SEMA3F: variants seen among roughly 807,000 people sequenced by gnomAD.
SEMA3F encodes semaphorin 3F.
A neutral mutation model predicts 98.5 loss-of-function variants in SEMA3F; 30 were observed. The ratio of observed to expected loss-of-function variants is 0.30; its 90% confidence interval spans 0.23 to 0.41. The LOEUF is 0.41. SEMA3F is among the 10% of genes least tolerant of loss of function. The pLI, the probability that SEMA3F is intolerant of heterozygous loss-of-function variation, is 1.00. For missense variants in SEMA3F, 866 were observed against 1,119.3 expected (o/e 0.77, Z 3.23); for synonymous variants, 380 against 444.8 (o/e 0.85, Z 1.83).
chr3:50,167,062 T>A (rs949394974), intron 2 of SEMA3F, among the ~76,000 whole-genome samples: 17 of 152,286 alleles, frequency 1.1e-4, no homozygotes, highest in African/African-American at 4.1e-4. Flanking sequence ...TCCTGTGTGA[T>A]CTGCTTGTCT....
chr3:50,183,104 C>T (rs1002938754), intron 10 of SEMA3F, 82 bp from the exon 11 acceptor site: 17 of 1,560,994 alleles, frequency 1.1e-5, no homozygotes, highest in South Asian at 7.8e-5. Flanking sequence ...CTTTGGTGGG[C>T]CCCCTCCCCT....
chr3:50,165,522 G>C (rs146933714), intron 2 of SEMA3F, among the ~76,000 whole-genome samples: 1 of 152,300 alleles, frequency 6.6e-6, no homozygotes, highest in Non-Finnish European at 1.5e-5. Flanking sequence ...TCCTAGGGGT[G>C]ACCAGACCTG....
chr3:50,175,300 C>T, intron 6 of SEMA3F, 112 bp downstream of exon 6: 1 of 738,034 alleles, frequency 1.4e-6, no homozygotes, highest in East Asian at 2.7e-5. Context: ...ACCTCTGTGC[C>T]CACACCCTGT....
intron 1 of SEMA3F, among the ~76,000 whole-genome samples, chr3:50,157,488 G>C (rs576300350): frequency 6.6e-6 from 1 of 152,212 alleles, no homozygotes; most frequent in Non-Finnish European, 1.5e-5. Context: ...GGCTTGGTGT[G>C]ACTTGGGGGC....
At chr3:50,165,772 G>C (rs1341400130) in intron 2 of SEMA3F, among the ~76,000 whole-genome samples, 1 of 152,240 alleles carries the variant, frequency 6.6e-6, no homozygotes, top group Non-Finnish European at 1.5e-5. Context: ...AGCTTGGCAG[G>C]CCTACAGCCC....
intron 7 of SEMA3F, among the ~76,000 whole-genome samples, chr3:50,179,683 A>G (rs1418868880): frequency 1.3e-5 from 2 of 152,280 alleles, no homozygotes; most frequent in Non-Finnish European, 2.9e-5. Context: ...TTCATCCATG[A>G]TCTTATCTAA....
In SEMA3F at chr3:50,159,636, GTCT is replaced by G. The variant is rs1293326621; in HGVS notation, c.21_23del (p.Leu8del). On this transcript the variant is annotated inframe_deletion, in exon 2 of 19. Coordinates refer to ENST00000002829, the MANE Select transcript of SEMA3F (RefSeq NM_004186.5). Reference sequence around the variant, plus strand: ...GCCCCTCCCACAATGCTTGTCGCCGGTCTTCTTCTCTGGGCTTCCCTACTGACC... The same window carrying G: ...GCCCCTCCCACAATGCTTGTCGCCGGTCTTCTCTGGGCTTCCCTACTGACC... The G allele has an allele frequency of 1.9e-6, 3 of 1,610,142 alleles. No individual in the cohort carries two copies. Among genetic ancestry groups the G allele is most frequent in the East Asian group, 2.3e-5 (1 of 44,418 alleles).
chr3:50,159,784 G>A (rs1345442049), intron 2 of SEMA3F, 50 bp downstream of exon 2: 1 of 1,235,880 alleles, frequency 8.1e-7, no homozygotes, highest in Admixed American at 1.7e-5. Context: ...CTTTACAATA[G>A]CGCTCGGCTC....
Position 50,187,866 on chromosome 3 carries a change from T to C in SEMA3F, c.2109T>C (p.His703=), listed in dbSNP as rs145097565. ...ATGTACTGGGCCGGGACGCCGTCCA[T>C]GCTGCCCTCTTCCCACCACTGTCCA... is the stretch of plus-strand genomic sequence containing the variant. ...QLHVLGRDAV[H]AALFPPLSMS... Residue 703 remains histidine (H), a synonymous_variant, in exon 19 of 19, where the codon CAT becomes CAC. Coordinates refer to ENST00000002829, the MANE Select transcript of SEMA3F (RefSeq NM_004186.5). 305 of 1,613,134 alleles carry C rather than the reference T, an allele frequency of 1.9e-4. No homozygotes were observed. The highest frequency in any genetic ancestry group is 2.5e-4 in the Non-Finnish European group (298 of 1,179,872).
rs562318332 is a variant in SEMA3F, at chr3:50,176,571, C to G, written c.550-197C>G. 3.9e-5 allele frequency among the ~76,000 whole-genome samples: 6 copies of G among 152,266 alleles called. No homozygotes were observed. The East Asian group carries it at 5.8e-4, about 15-fold the overall frequency. Reference sequence around the variant, plus strand: ...TAAGACCTGGGACTAGGAAGCACCCCCCTTGGAGCCCACAGCATGGCCCTG... The same window carrying G: ...TAAGACCTGGGACTAGGAAGCACCCGCCTTGGAGCCCACAGCATGGCCCTG... On this transcript the variant is annotated intron_variant, in intron 6 of 18. Coordinates refer to ENST00000002829, the MANE Select transcript of SEMA3F (RefSeq NM_004186.5).
chr3:50,164,858 G>C (rs1360954570), intron 2 of SEMA3F, among the ~76,000 whole-genome samples: 1 of 152,212 alleles, frequency 6.6e-6, no homozygotes, highest in South Asian at 2.1e-4. Context: ...TGGAAAATGG[G>C]AGTAAGAACA....
intron 7 of SEMA3F, among the ~76,000 whole-genome samples, chr3:50,178,721 CAAA>C (rs535984701): frequency 9.9e-6 from 1 of 101,384 alleles, no homozygotes; most frequent in Admixed American, 1.1e-4. Flanking sequence ...GACTCTGGCT[CAAA>C]AAAAAAAAAA....
intron 5 of SEMA3F, 84 bp downstream of exon 5, chr3:50,174,434 C>T (rs1037940818): frequency 6.1e-6 from 9 of 1,486,550 alleles, no homozygotes; most frequent in Non-Finnish European, 5.4e-6. Context: ...GCTTCAGCCC[C>T]AGCCCTGCCA....
rs1226899345 is a variant in SEMA3F at position 50,187,787 on chromosome 3, C to G, written c.2030C>G (p.Ser677Cys). 1 of 1,613,412 alleles carries G rather than the reference C, an allele frequency of 6.2e-7. No homozygotes were observed. ...ALQLSDRGLY[S>C]CTATENNFKH... ...CAGCTCAGCGATCGTGGCCTCTACTCCTGCACAGCCACTGAGAACAACTTT... is the reference window on the plus strand; with the variant it reads ...CAGCTCAGCGATCGTGGCCTCTACTGCTGCACAGCCACTGAGAACAACTTT... The change falls in exon 19 of 19, where the codon TCC (serine) becomes TGC (cysteine). Residue 677 changes from serine (S) to cysteine (C), a missense_variant. Coordinates refer to ENST00000002829, the MANE Select transcript of SEMA3F (RefSeq NM_004186.5).
rs562045335 is a variant in SEMA3F, at chr3:50,185,819, C to G, written c.1588-70C>G. The G allele has an allele frequency of 1.0e-5, 16 of 1,605,208 alleles. No individual in the cohort carries two copies. In the East Asian group the frequency reaches 3.1e-4, roughly 31 times the overall value. On this transcript the variant is annotated intron_variant, in intron 15 of 18. Coordinates refer to ENST00000002829, the MANE Select transcript of SEMA3F (RefSeq NM_004186.5). ...GAGGCATGGAACAGGGGAGAGGAGC[C>G]CAGCCTAGCTGGCTGTTGGTGGGGC...
At chr3:50,183,613 G>A (rs760676137) in intron 12 of SEMA3F, 49 bp downstream of exon 12, 15 of 1,594,874 alleles carry the variant, frequency 9.4e-6, no homozygotes, top group Non-Finnish European at 1.3e-5. Flanking sequence ...CTTCTAAGAG[G>A]CCTCTGGGTC....
intron 1 of SEMA3F, among the ~76,000 whole-genome samples, chr3:50,157,366 G>A (rs1383992651): frequency 4.0e-5 from 6 of 149,890 alleles, no homozygotes; most frequent in Admixed American, 6.6e-5. Flanking sequence ...CCTCCCTCCC[G>A]CCTGCCTCCC....
At chr3:50,184,181 G>T (rs1448998730) in intron 12 of SEMA3F, 1 of 247,258 alleles carries the variant, frequency 4.0e-6, no homozygotes, top group African/African-American at 2.3e-5. Flanking sequence ...AGGTTCAGGG[G>T]ACAGCTTCAG....
rs1296872232 is a variant in SEMA3F, at chr3:50,184,639, T to C, written c.1281T>C (p.Tyr427=). 3.1e-6 allele frequency: 5 copies of C among 1,613,988 alleles called. No individual in the cohort carries two copies. Among genetic ancestry groups the C allele is most frequent in the Non-Finnish European group, 4.2e-6 (5 of 1,179,998 alleles). The change falls in exon 13 of 19, where the codon TAT becomes TAC. Residue 427 remains tyrosine, a synonymous_variant. Coordinates refer to ENST00000002829, the MANE Select transcript of SEMA3F (RefSeq NM_004186.5). ...FTPSMKSTKD[Y]PDEVINFMRS... is the part of the protein sequence containing the mutation. ...CATCTATGAAGTCCACCAAGGATTATCCTGATGAGGTGATCAACTTCATGC... is the reference window on the plus strand; with the variant it reads ...CATCTATGAAGTCCACCAAGGATTACCCTGATGAGGTGATCAACTTCATGC...
Sources: gnomAD v4.1 joint callset for allele counts (sites outside exome capture counted in the v4.1 genomes callset) on GRCh38, gnomAD v4.1.1 for gene constraint, MANE v1.5 for transcripts, NCBI Gene and HGNC (gene_info 2026-07-23, HGNC 2026-07-21) for gene names.